CFAP69: variants seen among roughly 807,000 people sequenced by gnomAD.
The protein encoded by CFAP69 is cilia- and flagella-associated protein 69.
Under a neutral mutation model 123.0 loss-of-function variants are expected in CFAP69, and 92 were observed. That is an observed-to-expected ratio of 0.75 (90% CI 0.63 to 0.89). CFAP69 has a LOEUF of 0.89. CFAP69 is among the 40% of genes least tolerant of loss of function. The pLI, the probability that CFAP69 is intolerant of heterozygous loss-of-function variation, is 0.00. For missense variants in CFAP69, 1,067 were observed against 1,096.9 expected (o/e 0.97, Z 0.39); for synonymous variants, 380 against 364.3 (o/e 1.04, Z -0.49).
chr7:90,308,487 TC>T (rs1463131672), intron 21 of CFAP69, among the ~76,000 whole-genome samples: 1 of 152,152 alleles, frequency 6.6e-6, no homozygotes, highest in African/African-American at 2.4e-5. Flanking sequence ...AAAAAATCTC[TC>T]CTTCATTTCT....
At chr7:90,262,477 T>G (rs1798462657) in intron 4 of CFAP69, among the ~76,000 whole-genome samples, 1 of 152,134 alleles carries the variant, frequency 6.6e-6, no homozygotes, top group Non-Finnish European at 1.5e-5. Flanking sequence ...TTTTTGAAAT[T>G]TGAGTGAAGA....
intron 1 of CFAP69, among the ~76,000 whole-genome samples, chr7:90,253,814 T>C (rs909338940): frequency 5.3e-5 from 8 of 152,192 alleles, no homozygotes; most frequent in Non-Finnish European, 1.0e-4. Context: ...TTGTTTTCTT[T>C]CCTGTGGGTA....
intron 8 of CFAP69, among the ~76,000 whole-genome samples, chr7:90,272,441 T>G (rs960435640): frequency 6.6e-6 from 1 of 152,142 alleles, no homozygotes; most frequent in Non-Finnish European, 1.5e-5. Flanking sequence ...GGAATTTACA[T>G]TGTGCTAGGA....
At chr7:90,319,769 T>A in the CFAP69 span, 1 of 398,224 alleles carries the variant, frequency 2.5e-6, no homozygotes, top group Non-Finnish European at 4.4e-6. Flanking sequence ...GAAAAAAAAA[T>A]GAGAGAGGAT....
At chr7:90,313,717 G>A (rs927298813), downstream of CFAP69, among the ~76,000 whole-genome samples, 5 of 152,050 alleles carry the variant, frequency 3.3e-5, no homozygotes, top group African/African-American at 9.7e-5. Flanking sequence ...AGGGAAAAAA[G>A]GAAGGAAGGG....
intron 4 of CFAP69, among the ~76,000 whole-genome samples, chr7:90,263,715 T>C (rs1798648894): frequency 1.3e-5 from 2 of 152,176 alleles, no homozygotes. Flanking sequence ...TAAATTCAAA[T>C]TGGCCTGTAT....
intron 5 of CFAP69, among the ~76,000 whole-genome samples, chr7:90,267,863 T>C (rs909218575): frequency 2.6e-5 from 4 of 152,212 alleles, no homozygotes; most frequent in Admixed American, 2.6e-4. Context: ...TCAGCCCTTT[T>C]CTCATATTAG....
At chr7:90,304,706 C>G (rs540087243) in intron 18 of CFAP69, 38 bp from the exon 19 acceptor site, 1 of 1,582,728 alleles carries the variant, frequency 6.3e-7, no homozygotes, top group South Asian at 1.2e-5. Context: ...ATCACTTGCT[C>G]TGCTAAAGTA....
chr7:90,312,536 C>T (rs1050243058), downstream of CFAP69: 1 of 152,154 alleles, frequency 6.6e-6, no homozygotes, highest in African/African-American at 2.4e-5. Context: ...ATTTAATAGA[C>T]AAATAAGTGT....
Position 90,309,330 on chromosome 7 carries a change from T to C in CFAP69, c.2618T>C (p.Ile873Thr). Reference protein sequence around the residue: ...SRYHKRPQNAIFHQTHIKGLN... With the variant: ...SRYHKRPQNATFHQTHIKGLN... ...TACCATAAACGACCACAAAATGCAA[T>C]ATTTCACCAAACACATATTAAAGGC... The change falls in exon 22 of 23, where the codon ATA becomes ACA. Residue 873 changes from isoleucine to threonine, a missense_variant. Ile to Thr is a moderately conservative substitution (Grantham distance 89, BLOSUM62 -1). Transcript: ENST00000389297. 6.3e-7 allele frequency: 1 copy of C among 1,589,508 alleles called. No homozygotes were observed. Among genetic ancestry groups the C allele is most frequent in the Non-Finnish European group, 8.6e-7 (1 of 1,167,774 alleles).
At chr7:90,285,959 C>A (rs1377101377) in intron 13 of CFAP69, among the ~76,000 whole-genome samples, 1 of 152,148 alleles carries the variant, frequency 6.6e-6, no homozygotes, top group Non-Finnish European at 1.5e-5. Context: ...TTATCATCTT[C>A]TTTTCACAGC....
chr7:90,294,450 AT>A (rs1239678553), intron 15 of CFAP69, among the ~76,000 whole-genome samples: 1 of 152,196 alleles, frequency 6.6e-6, no homozygotes, highest in East Asian at 1.9e-4. Context: ...TCTTTCATAT[AT>A]AAACATCACA....
chr7:90,278,268 G>A (rs930335329), intron 11 of CFAP69, among the ~76,000 whole-genome samples: 3 of 152,028 alleles, frequency 2.0e-5, no homozygotes, highest in Non-Finnish European at 1.5e-5. Context: ...CTAAATCCCA[G>A]GTAGCTCAAC....
downstream of CFAP69, chr7:90,312,752 C>G (rs751927723): frequency 6.6e-6 from 1 of 152,154 alleles, no homozygotes; most frequent in African/African-American, 2.4e-5. Flanking sequence ...GATGCCTACC[C>G]GATCCTGCCG....
At chr7:90,319,543 T>C in the CFAP69 span, 1 of 398,594 alleles carries the variant, frequency 2.5e-6, no homozygotes, top group Non-Finnish European at 4.4e-6. Flanking sequence ...CCAAAAAGCA[T>C]CCACATTGTG....
At chr7:90,320,783 A>G in the CFAP69 span, 1 of 152,262 alleles carries the variant, frequency 6.6e-6, no homozygotes, top group African/African-American at 2.4e-5. Context: ...GTCATTTCAC[A>G]TCGTCGAAAA....
chr7:90,246,374 G>A (rs1453111433), intron 1 of CFAP69, among the ~76,000 whole-genome samples: 2 of 152,146 alleles, frequency 1.3e-5, no homozygotes, highest in Non-Finnish European at 2.9e-5. Flanking sequence ...TCACACTAAT[G>A]GTGTGGGGCC....
At chr7:90,270,861 C>A (rs765868332) in intron 6 of CFAP69, among the ~76,000 whole-genome samples, 1 of 152,054 alleles carries the variant, frequency 6.6e-6, no homozygotes, top group Non-Finnish European at 1.5e-5. Context: ...GGTGCTAAGA[C>A]AGAAGGAATT....
chr7:90,304,647 A>G (rs762325043), intron 18 of CFAP69, 97 bp from the exon 19 acceptor site: 21 of 380,414 alleles, frequency 5.5e-5, no homozygotes, highest in Non-Finnish European at 6.5e-5. Context: ...AGATAGGTAG[A>G]TAGATAGATA....
Sources: gnomAD v4.1 joint callset for allele counts (sites outside exome capture counted in the v4.1 genomes callset) on GRCh38, gnomAD v4.1.1 for gene constraint, MANE v1.5 for transcripts, NCBI Gene and HGNC (gene_info 2026-07-23, HGNC 2026-07-21) for gene names.